SNX13: variants seen among roughly 807,000 people sequenced by gnomAD.
SNX13 encodes sorting nexin 13, also known as sorting nexin-13.
SNX13 carries 45 observed loss-of-function variants against 133.6 expected under a neutral mutation model. The ratio of observed to expected loss-of-function variants is 0.34; its 90% CI spans 0.27 to 0.43. The LOEUF (loss-of-function observed/expected upper bound fraction) is 0.43. Among genes scored for constraint, SNX13 ranks in the 20% least tolerant of loss-of-function variants. The pLI is 1.00. For synonymous variants in SNX13, 414 were observed against 373.9 expected, an observed-to-expected ratio of 1.11 and a Z score of -1.24; for missense variants, 1,032 against 1,145.1, an observed-to-expected ratio of 0.90 and a Z score of 1.43.
rs1377344688 is a variant in SNX13, at chr7:17,791,374, GTTT to G, written c.*2668_*2670del. ...TGAACAAACTGAAATATTCAAGAAA[GTTT>G]TTGTTTTTTTTTTTTTTAAAAAAAT... is the stretch of plus-strand genomic sequence containing the variant. On this transcript the variant is annotated 3_prime_UTR_variant, in exon 26 of 26. Coordinates refer to ENST00000428135, the MANE Select transcript of SNX13 (RefSeq NM_015132.5). The G allele has an allele frequency of 2.0e-5, 3 of 149,054 alleles. No homozygotes were observed. The highest frequency in any genetic ancestry group is 4.9e-5 in the African/African-American group (2 of 40,640). 9.2% of individuals were successfully genotyped at this position (149,054 alleles called of 1,614,324 possible). A position where few individuals can be genotyped will look rare whatever the true frequency, so the allele number is the denominator to read the frequency against.
intron 1 of SNX13, among the ~76,000 whole-genome samples, chr7:17,904,533 T>G (rs1218537405): frequency 6.6e-6 from 1 of 152,176 alleles, no homozygotes; most frequent in African/African-American, 2.4e-5. Flanking sequence ...ATCAGCTGTT[T>G]TATACCAGCT....
In SNX13 at chr7:17,892,928, C is replaced by T. The variant is rs78833801; in HGVS notation, c.228+404G>A. Among the ~76,000 whole-genome samples, 324 of 152,226 alleles carry T rather than the reference C, an allele frequency of 2.1e-3. 1 individual carries two copies. Among genetic ancestry groups the T allele is most frequent in the African/African-American group, 7.5e-3 (311 of 41,554 alleles). On this transcript the variant is annotated intron_variant, in intron 3 of 25. Transcript: ENST00000428135. Reference sequence around the variant, plus strand: ...TTATAGATACTGCATAATCTAATTACAAGCTGTATTTTTCAAAGTAATGAA... The same window carrying T: ...TTATAGATACTGCATAATCTAATTATAAGCTGTATTTTTCAAAGTAATGAA...
At chr7:17,933,656 G>A (rs937878590) in intron 1 of SNX13, among the ~76,000 whole-genome samples, 6 of 150,670 alleles carry the variant, frequency 4.0e-5, no homozygotes, top group African/African-American at 1.5e-4. Flanking sequence ...TCTATTCCCT[G>A]TCTCCCCTGT....
rs948509853 is a variant in SNX13, at chr7:17,893,580, G to C, written c.126-146C>G. On this transcript the variant is annotated intron_variant, in intron 2 of 25. Coordinates refer to ENST00000428135, the MANE Select transcript of SNX13 (RefSeq NM_015132.5). Reference sequence around the variant, plus strand: ...TGTGACTTTGGCAAAGCAAGAAATTGACAGATTGTATTAGGTTCTGAAGTT... The same window carrying C: ...TGTGACTTTGGCAAAGCAAGAAATTCACAGATTGTATTAGGTTCTGAAGTT... 11 of 599,696 alleles carry C rather than the reference G, an allele frequency of 1.8e-5. No individual in the cohort carries two copies. In the South Asian group the frequency reaches 2.3e-4, roughly 12 times the overall value. The allele number at this position is 599,696 out of a possible 1,614,324, so 37.1% of individuals were successfully genotyped here. A position where few individuals can be genotyped will look rare whatever the true frequency, so the allele number is the denominator to read the frequency against.
chr7:17,793,883 G>A lies in SNX13; in HGVS notation c.*162C>T, dbSNP rs1044948146. 5.6e-6 allele frequency: 4 copies of A among 709,392 alleles called. No homozygotes were observed. In the African/African-American group the frequency reaches 7.2e-5, roughly 13 times the overall value. The allele number at this position is 709,392 out of a possible 1,614,324, so 43.9% of individuals were successfully genotyped here. A position where few individuals can be genotyped will look rare whatever the true frequency, so the allele number is the denominator to read the frequency against. On this transcript the variant is annotated 3_prime_UTR_variant, in exon 26 of 26. Transcript: ENST00000428135. ...TCTCTCTTGGTAGTGGTGGATTATA[G>A]ATGAGAATGAGAAGAACCACAGACT...
At chr7:17,895,476 T>A (rs1022224096) in intron 2 of SNX13, among the ~76,000 whole-genome samples, 4 of 152,252 alleles carry the variant, frequency 2.6e-5, no homozygotes, top group African/African-American at 9.6e-5. Flanking sequence ...TTGACAAGAA[T>A]AAACTATGCA....
intron 1 of SNX13, among the ~76,000 whole-genome samples, chr7:17,938,648 G>T (rs1562556403): frequency 6.6e-6 from 1 of 152,068 alleles, no homozygotes; most frequent in East Asian, 1.9e-4. Context: ...TCCCTAAAAC[G>T]CAAAATTGCA....
chr7:17,800,521 A>T (rs139662005), intron 22 of SNX13, among the ~76,000 whole-genome samples: 1 of 151,912 alleles, frequency 6.6e-6, no homozygotes, highest in East Asian at 1.9e-4. Context: ...TGCAAACTTA[A>T]ATGTTGTTAC....
intron 9 of SNX13, among the ~76,000 whole-genome samples, chr7:17,860,727 A>T (rs968954572): frequency 6.6e-6 from 1 of 152,120 alleles, no homozygotes; most frequent in African/African-American, 2.4e-5. Context: ...ATTCTTTCCC[A>T]TTTTGTAGCC....
At chr7:17,841,576 A>ACACACACACACACG (rs1432935787) in intron 12 of SNX13, among the ~76,000 whole-genome samples, 1 of 151,388 alleles carries the variant, frequency 6.6e-6, no homozygotes, top group Non-Finnish European at 1.5e-5. Flanking sequence ...ACACACACAC[A>ACACACACACACACG]CACACACGCA....
intron 25 of SNX13, chr7:17,795,577 T>C (rs1583434501): frequency 6.6e-6 from 1 of 151,734 alleles, no homozygotes; most frequent in African/African-American, 2.4e-5. Flanking sequence ...TTCTCTTTAG[T>C]ACTTACCACT....
chr7:17,809,629 A>G (rs1400101596), intron 20 of SNX13, among the ~76,000 whole-genome samples: 1 of 152,246 alleles, frequency 6.6e-6, no homozygotes, highest in Non-Finnish European at 1.5e-5. Context: ...CCTAACAGAT[A>G]TCTACAGAAC....
At chr7:17,910,443 A>G (rs2714865) in intron 1 of SNX13, among the ~76,000 whole-genome samples, 67,064 of 151,982 alleles carry the variant, frequency 0.44, 15,213 homozygotes, top group South Asian at 0.66. Context: ...ATGGAGGACA[A>G]GGAAGATAAA....
chr7:17,922,032 C>T (rs762710557), intron 1 of SNX13, among the ~76,000 whole-genome samples: 2 of 152,204 alleles, frequency 1.3e-5, no homozygotes, highest in Non-Finnish European at 2.9e-5. Context: ...ATTTACATAA[C>T]CCACTTCTGT....
intron 1 of SNX13, among the ~76,000 whole-genome samples, chr7:17,929,458 C>T (rs894647957): frequency 4.6e-5 from 7 of 151,944 alleles, no homozygotes; most frequent in African/African-American, 1.5e-4. Flanking sequence ...ATTTGTAATA[C>T]CTTAGCCCTA....
chr7:17,855,588 C>T (rs1791783629), intron 9 of SNX13, among the ~76,000 whole-genome samples: 1 of 152,104 alleles, frequency 6.6e-6, no homozygotes, highest in African/African-American at 2.4e-5. Context: ...ACCTGTGCTC[C>T]AGAAATGGAA....
In SNX13 at chr7:17,834,747, G is replaced by A. The variant is rs755765867; in HGVS notation, c.1464+14C>T. 1.3e-6 allele frequency: 2 copies of A among 1,495,076 alleles called. No homozygotes were observed. Among genetic ancestry groups the A allele is most frequent in the Non-Finnish European group, 1.9e-6 (2 of 1,076,150 alleles). The allele number at this position is 1,495,076 out of a possible 1,614,324, so 92.6% of individuals were successfully genotyped here. The stretch of plus-strand genomic sequence containing the variant: ...CAAAAAAGATAAAATGATAAATGCT[G>A]TACATAATAATACCTTTCTTTGAAT... On this transcript the variant is annotated intron_variant, in intron 14 of 25. Transcript: ENST00000428135.
At chr7:17,916,680 C>CA (rs746287593) in intron 1 of SNX13, among the ~76,000 whole-genome samples, 2,679 of 140,512 alleles carry the variant, frequency 0.019, 35 homozygotes, top group Non-Finnish European at 0.026. Context: ...ACGTATCAAC[C>CA]AAAAAAAAAA....
chr7:17,833,756 A>C (rs1788800520), intron 15 of SNX13, among the ~76,000 whole-genome samples: 2 of 151,672 alleles, frequency 1.3e-5, no homozygotes, highest in South Asian at 2.1e-4. Flanking sequence ...GAATATTGTT[A>C]CTTACTCCCA....
Sources: allele counts gnomAD v4.1 joint callset (sites outside exome capture counted in the v4.1 genomes callset), GRCh38; gene constraint gnomAD v4.1.1; transcripts MANE v1.5; gene names NCBI Gene and HGNC (gene_info 2026-07-23, HGNC 2026-07-21).